The following PDE4DIP variants were observed in gnomAD, a reference collection of about 807,000 sequenced individuals.
PDE4DIP encodes myomegalin.
Under a neutral mutation model 221.4 loss-of-function variants are expected in PDE4DIP, and 59 were observed. The ratio of observed to expected loss-of-function variants is 0.27; its 90% CI spans 0.22 to 0.33. The LOEUF is 0.33. Among genes scored for constraint, PDE4DIP ranks in the 10% least tolerant of loss-of-function variants. The pLI, the probability that PDE4DIP is intolerant of heterozygous loss-of-function variation, is 1.00. For missense variants in PDE4DIP, 1,036 were observed against 2,154.2 expected (o/e 0.48, Z 10.28); for synonymous variants, 404 against 815.9 (o/e 0.50, Z 8.60).
chr1:148,929,374 G>A, intron 2 of PDE4DIP, 101 bp downstream of exon 5: 7 of 1,437,160 alleles, frequency 4.9e-6, no homozygotes, highest in Non-Finnish European at 6.6e-6. Flanking sequence ...TGTGGCATTT[G>A]AATCCTGTAT....
intron 2 of PDE4DIP, among the ~76,000 whole-genome samples, chr1:148,865,819 CAGT>C (rs1459377427): frequency 4.0e-5 from 1 of 24,972 alleles, no homozygotes; most frequent in Non-Finnish European, 8.7e-5. Flanking sequence ...TCTTTGAAAT[CAGT>C]GGTGTAATGC....
intron 30 of PDE4DIP, 60 bp from the exon 34 acceptor site, chr1:149,010,383 G>A (rs587751852): frequency 3.3e-6 from 5 of 1,525,064 alleles, no homozygotes; most frequent in Admixed American, 3.4e-5. Flanking sequence ...TAAACATAAG[G>A]CCAGGATTCC....
intron 17 of PDE4DIP, among the ~76,000 whole-genome samples, chr1:148,977,390 C>T (rs1224244291): frequency 8.2e-5 from 7 of 84,956 alleles, no homozygotes; most frequent in Non-Finnish European, 4.7e-5. Context: ...AAGTACTTGT[C>T]ATTTTCTGAT....
At chr1:148,957,983 A>T (rs587691742) in intron 5 of PDE4DIP, among the ~76,000 whole-genome samples, 1 of 145,640 alleles carries the variant, frequency 6.9e-6, no homozygotes, top group Admixed American at 6.9e-5. Flanking sequence ...AATTTTATAG[A>T]GATGGTTTTA....
In PDE4DIP at chr1:148,981,325, A is replaced by G. The variant is rs149457597; in HGVS notation, c.2743A>G (p.Ser915Gly). The G allele has an allele frequency of 2.0e-4, 316 of 1,614,044 alleles. 1 individual carries two copies. In the African/African-American group the frequency reaches 3.6e-3, roughly 18 times the overall value. Residue 915 changes from serine (S) to glycine (G), a missense_variant, in exon 21 of 44, where the codon AGT becomes GGT. Ser to Gly is a moderately conservative substitution (Grantham distance 56). Coordinates refer to ENST00000369354, the Ensembl canonical transcript of PDE4DIP. ...ACTGGAAGGGGCTCAGGTGTTACGCAGTCGGCTAGAAGAAGTTCTTGGAAG... is the reference window on the plus strand; with the variant it reads ...ACTGGAAGGGGCTCAGGTGTTACGCGGTCGGCTAGAAGAAGTTCTTGGAAG...
At chr1:149,028,561 T>C (rs781906111) in exon 41 of PDE4DIP, 9 of 1,610,522 alleles carry the variant, frequency 5.6e-6, no homozygotes, top group African/African-American at 2.7e-5. Flanking sequence ...TTTCCCCAGG[T>C]GCTAGGCAGC....
At chr1:149,029,387 T>C (rs1480811708) in intron 41 of PDE4DIP, among the ~76,000 whole-genome samples, 27 of 152,214 alleles carry the variant, frequency 1.8e-4, no homozygotes, top group Non-Finnish European at 3.7e-4. Context: ...ATTTACAAAC[T>C]TGCAGACTTC....
chr1:149,028,631 A>G lies in PDE4DIP; in HGVS notation c.6741A>G (p.Ser2247=), dbSNP rs1699754. Residue 2247 remains serine, a synonymous_variant, in exon 41 of 44, where the codon TCA becomes TCG. Transcript: ENST00000369354. ...CCCTGCACCATGCCCTAGAGGAGTCAGCTTCCCTCCTCACCATGTTCTGGA... is the reference window on the plus strand; with the variant it reads ...CCCTGCACCATGCCCTAGAGGAGTCGGCTTCCCTCCTCACCATGTTCTGGA... 0.021 allele frequency: 32,156 copies of G among 1,527,364 alleles called. 4,887 individuals carry two copies. The East Asian group carries it at 0.4, about 19-fold the overall frequency. 94.6% of individuals were successfully genotyped at this position (1,527,364 alleles called of 1,614,324 possible).
intron 31 of PDE4DIP, among the ~76,000 whole-genome samples, chr1:149,010,882 CAA>C (rs1479788051): frequency 1.4e-5 from 2 of 147,044 alleles, no homozygotes; most frequent in Non-Finnish European, 3.0e-5. Context: ...ATCCTGGGAG[CAA>C]AGAGGCAAAA....
At chr1:148,917,232 A>G (rs2044298250) in intron 1 of PDE4DIP, among the ~76,000 whole-genome samples, 1 of 151,904 alleles carries the variant, frequency 6.6e-6, no homozygotes, top group South Asian at 2.1e-4. Context: ...CAGAGTGACT[A>G]TAGGGAATGA....
At chr1:148,975,406 A>G (rs146725016) in intron 17 of PDE4DIP, among the ~76,000 whole-genome samples, 1 of 148,604 alleles carries the variant, frequency 6.7e-6, no homozygotes, top group Non-Finnish European at 1.5e-5. Flanking sequence ...TGTCGGCCCA[A>G]TTATTATAGA....
At chr1:148,951,732 T>C (rs1464062634) in intron 5 of PDE4DIP, among the ~76,000 whole-genome samples, 1 of 152,306 alleles carries the variant, frequency 6.6e-6, no homozygotes, top group Non-Finnish European at 1.5e-5. Flanking sequence ...TGTGCCGGAC[T>C]CTTTCTCAGG....
chr1:148,963,695 A>G (rs2057468581), intron 9 of PDE4DIP, among the ~76,000 whole-genome samples: 1 of 150,730 alleles, frequency 6.6e-6, no homozygotes, highest in African/African-American at 2.4e-5. Context: ...TAATAAATAT[A>G]CGATTCTTTT....
intron 21 of PDE4DIP, chr1:148,985,961 G>T (rs2061844351): frequency 6.6e-6 from 1 of 152,112 alleles, no homozygotes; most frequent in Non-Finnish European, 1.5e-5. Flanking sequence ...CCAAGATATT[G>T]ACCTCTTTCT....
chr1:148,922,896 A>AT (rs1282344082), intron 1 of PDE4DIP, among the ~76,000 whole-genome samples: 3 of 144,184 alleles, frequency 2.1e-5, no homozygotes, highest in Admixed American at 1.4e-4. Context: ...CTTATTTTTT[A>AT]TTTTTTTGAG....
exon 44 of PDE4DIP, chr1:149,032,840 A>G (rs1280164308): frequency 9.6e-6 from 2 of 207,794 alleles, no homozygotes; most frequent in African/African-American, 2.3e-5. Flanking sequence ...GTGTCTTCAC[A>G]GTGCTGGTAG....
chr1:148,933,956 A>T (rs2048629173), intron 4 of PDE4DIP, among the ~76,000 whole-genome samples: 1 of 148,476 alleles, frequency 6.7e-6, no homozygotes, highest in African/African-American at 2.5e-5. Context: ...GATATGAATT[A>T]TTATACTTTA....
chr1:148,934,980 T>C (rs587681690), intron 4 of PDE4DIP, among the ~76,000 whole-genome samples: 2 of 152,048 alleles, frequency 1.3e-5, no homozygotes, highest in African/African-American at 4.8e-5. Flanking sequence ...TCCTAGCACT[T>C]TGGGAGGCCG....
chr1:148,981,380 C>A, exon 21 of PDE4DIP: 1 of 1,614,036 alleles, frequency 6.2e-7, no homozygotes, highest in Non-Finnish European at 8.5e-7. Flanking sequence ...AGGCTGGAGA[C>A]CCTGGCCGCC....
Sources: allele counts gnomAD v4.1 joint callset (sites outside exome capture counted in the v4.1 genomes callset), GRCh38; gene constraint gnomAD v4.1.1; transcripts MANE v1.5; gene names NCBI Gene and HGNC (gene_info 2026-07-23, HGNC 2026-07-21).